SLCO4A1: variants seen among roughly 807,000 people sequenced by gnomAD.
SLCO4A1 encodes the protein colon organic anion transporter.
A neutral mutation model predicts 64.6 loss-of-function variants in SLCO4A1; 51 were observed. The ratio of observed to expected loss-of-function variants is 0.79; its 90% CI spans 0.63 to 1.00. The LOEUF (loss-of-function observed/expected upper bound fraction) is 1.00. SLCO4A1 is among the 50% of genes least tolerant of loss of function. The pLI is 0.00. For missense variants in SLCO4A1, 919 were observed against 980.5 expected, an observed-to-expected ratio of 0.94 and a Z score of 0.84; for synonymous variants, 471 against 444.9, an observed-to-expected ratio of 1.06 and a Z score of -0.74.
At chr20:62,683,504 C>G (rs759179750) in intron 2 of SLCO4A1, among the ~76,000 whole-genome samples, 2 of 152,110 alleles carry the variant, frequency 1.3e-5, no homozygotes, top group Admixed American at 1.3e-4. Context: ...AATACAGTCA[C>G]GTACCCTGGA....
At chr20:62,664,903 G>C in intron 5 of SLCO4A1, 31 bp from the exon 6 acceptor site, 2 of 1,551,848 alleles carry the variant, frequency 1.3e-6, no homozygotes, top group Non-Finnish European at 1.7e-6. Context: ...CTGACCCTCA[G>C]TCTCTTCTCC....
downstream of SLCO4A1, among the ~76,000 whole-genome samples, chr20:62,676,673 C>A (rs1987610801): frequency 6.6e-6 from 1 of 152,212 alleles, no homozygotes; most frequent in South Asian, 2.1e-4. Context: ...AATCCTCACA[C>A]ACTATGGGTG....
chr20:62,671,399 T>G (rs749628740), intron 11 of SLCO4A1, among the ~76,000 whole-genome samples: 32 of 152,340 alleles, frequency 2.1e-4, no homozygotes, highest in Non-Finnish European at 3.4e-4. Context: ...GGGGCCCACC[T>G]TAGATCCAGG....
Position 62,644,894 on chromosome 20 carries a change from G to T in SLCO4A1, c.-97+2341G>T, listed in dbSNP as rs1981040869. On this transcript the variant is annotated intron_variant, in intron 1 of 11. Coordinates refer to ENST00000217159, the MANE Select transcript of SLCO4A1 (RefSeq NM_016354.4). This position sits in a 1 kb window ranked among gnomAD's most constrained non-coding sequence, Gnocchi z 5.4. Reference sequence around the variant, plus strand: ...AGCCTGGTGCTGGGGGCAGGAGGGAGCAGGGCCCTTGGAGCTCTGGGAGAG... The same window carrying T: ...AGCCTGGTGCTGGGGGCAGGAGGGATCAGGGCCCTTGGAGCTCTGGGAGAG... 6.6e-6 allele frequency among the ~76,000 whole-genome samples: 1 copy of T among 152,238 alleles called. No individual in the cohort carries two copies. Among genetic ancestry groups the T allele is most frequent in the Non-Finnish European group, 1.5e-5 (1 of 68,042 alleles).
chr20:62,682,129 C>T (rs777618027), intron 2 of SLCO4A1, among the ~76,000 whole-genome samples: 2 of 152,206 alleles, frequency 1.3e-5, no homozygotes, highest in Admixed American at 6.5e-5. Flanking sequence ...GGGGAGCCGA[C>T]GGTGTGGTCT....
Position 62,661,003 on chromosome 20 carries a change from G to A in SLCO4A1, c.1010-61G>A, listed in dbSNP as rs542056451. The A allele has an allele frequency of 2.4e-5, 27 of 1,133,502 alleles. 2 individuals are homozygous for A. Among genetic ancestry groups the A allele is most frequent in the South Asian group, 1.9e-4 (14 of 72,732 alleles). The allele number at this position is 1,133,502 out of a possible 1,614,324, so 70.2% of individuals were successfully genotyped here. A position where few individuals can be genotyped will look rare whatever the true frequency, so the allele number is the denominator to read the frequency against. Reference sequence around the variant, plus strand: ...GAGGAGTGGGGGCAGAGCCTCTCTCGGAGAAGTCCACCTCCGGGAGCCCCC... The same window carrying A: ...GAGGAGTGGGGGCAGAGCCTCTCTCAGAGAAGTCCACCTCCGGGAGCCCCC... On this transcript the variant is annotated intron_variant, in intron 4 of 11. Transcript: ENST00000217159. This position sits in a 1 kb window ranked among gnomAD's most constrained non-coding sequence, Gnocchi z 5.2.
intron 2 of SLCO4A1, among the ~76,000 whole-genome samples, chr20:62,682,938 C>G (rs534272709): frequency 3.2e-4 from 48 of 152,356 alleles, no homozygotes; most frequent in African/African-American, 1.1e-3. Flanking sequence ...CAGTCCAGGG[C>G]CACACAGTGG....
intron 3 of SLCO4A1, among the ~76,000 whole-genome samples, chr20:62,659,256 A>C (rs183114945): frequency 1.3e-5 from 2 of 152,292 alleles, no homozygotes; most frequent in African/African-American, 4.8e-5. Flanking sequence ...CGACAGGCAG[A>C]GAGAGACAGA....
chr20:62,658,587 CG>C (rs2147081076), intron 2 of SLCO4A1, 89 bp from the exon 3 acceptor site: 2 of 989,180 alleles, frequency 2.0e-6, no homozygotes, highest in Non-Finnish European at 3.0e-6. Flanking sequence ...ATGGCGGGTG[CG>C]GGGCTTCTCC....
intron 1 of SLCO4A1, 70 bp from the exon 2 acceptor site, chr20:62,656,289 A>AG: frequency 3.2e-6 from 2 of 619,590 alleles, no homozygotes; most frequent in South Asian, 2.2e-5. Flanking sequence ...GGTGTGCTGG[A>AG]ATGTTCCCTC....
At chr20:62,648,517 C>G (rs568238513) in intron 1 of SLCO4A1, among the ~76,000 whole-genome samples, 1 of 152,166 alleles carries the variant, frequency 6.6e-6, no homozygotes, top group African/African-American at 2.4e-5. Flanking sequence ...GCATGGGAGC[C>G]GTGTGGCCGG....
rs1985854008 is a variant in SLCO4A1 at position 62,665,108 on chromosome 20, G to A, written c.1276+20G>A. The A allele has an allele frequency of 1.3e-6, 2 of 1,594,770 alleles. No homozygotes were observed. The highest frequency in any genetic ancestry group is 1.7e-6 in the Non-Finnish European group (2 of 1,171,906). The stretch of plus-strand genomic sequence containing the variant: ...TGTTTGGTGAGAAAACTGAATCTTG[G>A]GGGTCCTCTGCTTTTATGTCAGTTC... On this transcript the variant is annotated intron_variant, in intron 6 of 11. Transcript: ENST00000217159.
intron 1 of SLCO4A1, chr20:62,650,524 C>G (rs1440633518): frequency 1.3e-5 from 2 of 152,298 alleles, no homozygotes; most frequent in Non-Finnish European, 2.9e-5. Flanking sequence ...TTACTCCAGT[C>G]TCCATTAGCA....
At chr20:62,689,272 C>G, downstream of SLCO4A1, among the ~76,000 whole-genome samples, 1 of 102,912 alleles carries the variant, frequency 9.7e-6, no homozygotes, top group East Asian at 2.7e-4. Context: ...TCCTCGCAGG[C>G]CTGTCCCCGG....
At chr20:62,655,815 C>T (rs920110395) in intron 1 of SLCO4A1, among the ~76,000 whole-genome samples, 1 of 152,214 alleles carries the variant, frequency 6.6e-6, no homozygotes, top group African/African-American at 2.4e-5. Context: ...GGAGCTCCTT[C>T]CTCACGCCAA....
intron 7 of SLCO4A1, chr20:62,667,400 C>G: frequency 3.9e-6 from 1 of 254,764 alleles, no homozygotes; most frequent in East Asian, 7.7e-5. Flanking sequence ...ACGAGGCTGC[C>G]TTTGTGTACT....
intron 1 of SLCO4A1, chr20:62,651,507 A>G (rs989785727): frequency 1.3e-5 from 2 of 152,230 alleles, no homozygotes; most frequent in Non-Finnish European, 2.9e-5. Flanking sequence ...TCTGATGGGC[A>G]TCTGTCGGAA....
chr20:62,647,753 C>T (rs752684998), intron 1 of SLCO4A1, among the ~76,000 whole-genome samples: 3 of 152,228 alleles, frequency 2.0e-5, no homozygotes, highest in Non-Finnish European at 4.4e-5. Context: ...GTGTCAGCTG[C>T]CCACACACGG....
chr20:62,690,592 G>A (rs754101154), downstream of SLCO4A1, among the ~76,000 whole-genome samples: 1 of 152,246 alleles, frequency 6.6e-6, no homozygotes, highest in Non-Finnish European at 1.5e-5. Flanking sequence ...ACTCTGCAGC[G>A]AGATACTTTC....
Sources: allele counts gnomAD v4.1 joint callset (sites outside exome capture counted in the v4.1 genomes callset), GRCh38; gene constraint gnomAD v4.1.1; non-coding constraint Gnocchi (gnomAD v3.1); transcripts MANE v1.5; gene names NCBI Gene and HGNC (gene_info 2026-07-23, HGNC 2026-07-21).